Variants in DENND4A observed in about 807,000 individuals in gnomAD.
DENND4A encodes the protein C-myc promoter-binding protein.
DENND4A carries 70 observed loss-of-function variants against 199.3 expected under a neutral mutation model. The observed-to-expected ratio is 0.35, with a 90% confidence interval of 0.29 to 0.43. The LOEUF (loss-of-function observed/expected upper bound fraction) is 0.43, where lower values mean the gene tolerates loss of function less well. DENND4A is among the 20% of genes least tolerant of loss of function. The pLI, the probability that DENND4A is intolerant of heterozygous loss-of-function variation, is 1.00. For synonymous variants in DENND4A, 686 were observed against 766.9 expected (o/e 0.89, Z 1.74); for missense variants, 1,723 against 2,255.8 (o/e 0.76, Z 4.78).
chr15:65,703,634 A>G (rs1231047762), intron 15 of DENND4A, among the ~76,000 whole-genome samples: 1 of 152,184 alleles, frequency 6.6e-6, no homozygotes, highest in Non-Finnish European at 1.5e-5. Context: ...AGGTAAACCT[A>G]ATAAGGGTGC....
At chr15:65,697,529 C>T (rs984034421) in intron 20 of DENND4A, 146 bp from the exon 21 acceptor site, 3 of 584,908 alleles carry the variant, frequency 5.1e-6, no homozygotes, top group Non-Finnish European at 8.9e-6. Flanking sequence ...TTGTTAGCTA[C>T]CCTTAAAGCA....
At chr15:65,780,946 G>A (rs1052729491) in intron 1 of DENND4A, among the ~76,000 whole-genome samples, 4 of 152,192 alleles carry the variant, frequency 2.6e-5, no homozygotes, top group Admixed American at 2.0e-4. Flanking sequence ...TCTGGTCTGG[G>A]TGCTTGAGCT....
rs201123900 is a variant in DENND4A, at chr15:65,737,724, A to G, written c.1023T>C (p.His341=). ...TAACTTACTTCTCAATTGGAAGGAC[A>G]TGAGGCCCAGAGATGGAATAACGAT... ...FLYRYSISGP[H]VLPIEKHISH... Residue 341 remains histidine, a synonymous_variant, in exon 7 of 33, where the codon CAT becomes CAC. Coordinates refer to ENST00000443035, the MANE Select transcript of DENND4A (RefSeq NM_001320835.1). 4.6e-4 allele frequency: 730 copies of G among 1,576,126 alleles called. 2 individuals are homozygous for G. The highest frequency in any genetic ancestry group is 3.7e-3 in the Middle Eastern group (22 of 6,016).
At chr15:65,700,852 C>T (rs145120964) in intron 19 of DENND4A, among the ~76,000 whole-genome samples, 177 bp from the exon 20 acceptor site, 96 of 152,290 alleles carry the variant, frequency 6.3e-4, no homozygotes, top group African/African-American at 2.2e-3. Flanking sequence ...CTAAAACACA[C>T]ACAAAGGTCG....
At position 65,662,706 on chromosome 15, in the gene DENND4A, G is replaced by T. The variant is rs569887416; in HGVS notation, c.5588-719C>A. Among the ~76,000 whole-genome samples, 189 of 152,232 alleles carry T rather than the reference G, an allele frequency of 1.2e-3. 1 individual carries two copies. Among genetic ancestry groups the T allele is most frequent in the African/African-American group, 4.5e-3 (185 of 41,530 alleles). ...ACTGGATAAAAATTTGCCCCTCAGA[G>T]AGCCAAATGGGGTATGAATTATAAC... is the stretch of plus-strand genomic sequence containing the variant. On this transcript the variant is annotated intron_variant, in intron 32 of 32. Transcript: ENST00000443035.
intron 2 of DENND4A, among the ~76,000 whole-genome samples, chr15:65,759,020 T>C (rs2076784987): frequency 6.6e-6 from 1 of 152,228 alleles, no homozygotes; most frequent in Non-Finnish European, 1.5e-5. Context: ...TCTTACGTAG[T>C]ATATACTTGT....
intron 23 of DENND4A, among the ~76,000 whole-genome samples, chr15:65,678,825 G>C (rs1377575398): frequency 6.6e-6 from 1 of 152,070 alleles, no homozygotes; most frequent in Non-Finnish European, 1.5e-5. Flanking sequence ...AAGTAGCTGG[G>C]ACTACAGGTG....
At position 65,737,920 on chromosome 15, in the gene DENND4A, T is replaced by G. The variant is rs1419050426; in HGVS notation, c.827A>C (p.Tyr276Ser). Reference protein sequence around the residue: ...EKVYGAAIQFYEPYSEENLTE... With the variant: ...EKVYGAAIQFSEPYSEENLTE... ...GAGATTCTCCTCAGAGTATGGTTCA[T>G]AAAACTGAATAGCAGCACCATAAAC... is the stretch of plus-strand genomic sequence containing the variant. The change falls in exon 7 of 33, where the codon TAT becomes TCT. Residue 276 changes from tyrosine (Y) to serine (S), a missense_variant. Physicochemically the swap from Tyr to Ser is moderately radical, Grantham distance 144. This residue lies in a region of DENND4A where 725 missense variants were observed against 952.9 expected (regional missense o/e 0.76). Transcript: ENST00000443035. 1 of 1,593,718 alleles carries G rather than the reference T, an allele frequency of 6.3e-7. No individual in the cohort carries two copies. The highest frequency in any genetic ancestry group is 8.6e-7 in the Non-Finnish European group (1 of 1,169,054).
rs747542567 is a variant in DENND4A, at chr15:65,697,228, T to C, written c.2950+39A>G. 4 of 1,249,046 alleles carry C rather than the reference T, an allele frequency of 3.2e-6. No individual in the cohort carries two copies. The East Asian group carries it at 9.6e-5, about 30-fold the overall frequency. 77.4% of individuals were successfully genotyped at this position (1,249,046 alleles called of 1,614,324 possible). On this transcript the variant is annotated intron_variant, in intron 21 of 32. Transcript: ENST00000443035. ...CACCTGCATTTTCTATGAATATAAG[T>C]TCTCAATTTTATACAATATCAACTT...
intron 25 of DENND4A, 120 bp from the exon 26 acceptor site, chr15:65,670,308 A>C: frequency 1.3e-6 from 1 of 788,342 alleles, no homozygotes. Context: ...GATGCTATAC[A>C]CAAACACTGG....
chr15:65,791,853 A>G (rs2077739460), intron 1 of DENND4A, among the ~76,000 whole-genome samples, 157 bp downstream of exon 1: 1 of 151,936 alleles, frequency 6.6e-6, no homozygotes, highest in South Asian at 2.1e-4. Flanking sequence ...GCCGCGGAGC[A>G]CCTCCCGGAT....
intron 12 of DENND4A, chr15:65,719,430 G>A (rs754105775): frequency 6.6e-6 from 1 of 151,236 alleles, no homozygotes; most frequent in Non-Finnish European, 1.5e-5. Flanking sequence ...CCATTAGATA[G>A]TAAACATGTA....
rs145121315 is a variant in DENND4A, at chr15:65,750,259, G to A, written c.561+2120C>T. ...AGAAAACTAAATACTGCATTTTCTC[G>A]CTTATAAGTGAGAGCTAAATATTGG... On this transcript the variant is annotated intron_variant, in intron 4 of 32. Coordinates refer to ENST00000443035, the MANE Select transcript of DENND4A (RefSeq NM_001320835.1). 7.0e-3 allele frequency among the ~76,000 whole-genome samples: 1,066 copies of A among 152,114 alleles called. 9 individuals carry two copies. Among genetic ancestry groups the A allele is most frequent in the Non-Finnish European group, 8.6e-3 (585 of 67,990 alleles).
intron 7 of DENND4A, among the ~76,000 whole-genome samples, chr15:65,734,240 T>C (rs917615747): frequency 1.1e-4 from 17 of 152,314 alleles, no homozygotes; most frequent in Admixed American, 1.3e-4. Flanking sequence ...GCCTTAAGGC[T>C]GGAGGTGGGA....
chr15:65,770,885 T>C (rs1223927255), intron 1 of DENND4A, among the ~76,000 whole-genome samples: 2 of 152,194 alleles, frequency 1.3e-5, no homozygotes, highest in African/African-American at 4.8e-5. Flanking sequence ...TCACTAAAAC[T>C]GGAAATTGCT....
intron 7 of DENND4A, among the ~76,000 whole-genome samples, chr15:65,734,100 A>G (rs936914954): frequency 6.6e-6 from 1 of 152,170 alleles, no homozygotes; most frequent in South Asian, 2.1e-4. Context: ...GAGGATTAGT[A>G]TAAGAGGAAG....
chr15:65,770,334 C>G (rs1272256245), intron 1 of DENND4A, among the ~76,000 whole-genome samples: 6 of 152,056 alleles, frequency 3.9e-5, no homozygotes, highest in Admixed American at 2.6e-4. Flanking sequence ...TTTTGGCAGC[C>G]CTTCAAGGAC....
intron 12 of DENND4A, among the ~76,000 whole-genome samples, chr15:65,722,326 G>A (rs746476967): frequency 1.3e-5 from 2 of 152,148 alleles, no homozygotes; most frequent in African/African-American, 2.4e-5. Flanking sequence ...TTAGCCAGGC[G>A]TAGTGCCTCA....
intron 23 of DENND4A, among the ~76,000 whole-genome samples, chr15:65,682,677 C>T (rs1312737115): frequency 6.6e-6 from 1 of 152,142 alleles, no homozygotes; most frequent in Non-Finnish European, 1.5e-5. Context: ...TCACTTTCGG[C>T]CTTTCTTGGC....
Sources: allele counts gnomAD v4.1 joint callset (sites outside exome capture counted in the v4.1 genomes callset), GRCh38; gene constraint gnomAD v4.1.1; regional missense constraint gnomAD v4.1.1; transcripts MANE v1.5; gene names NCBI Gene and HGNC (gene_info 2026-07-23, HGNC 2026-07-21).